Variants in RREB1 observed in about 807,000 individuals in gnomAD.
The protein encoded by RREB1 is ras responsive element binding protein 1.
Under a neutral mutation model 117.8 loss-of-function variants are expected in RREB1, and 27 were observed. That is an observed-to-expected ratio of 0.23 (90% CI 0.17 to 0.32). The LOEUF (loss-of-function observed/expected upper bound fraction) is 0.32. Among genes scored for constraint, RREB1 ranks in the 10% least tolerant of loss-of-function variants. The pLI is 1.00. For missense variants in RREB1, 2,577 were observed against 2,378.2 expected (o/e 1.08, Z -1.74); for synonymous variants, 1,298 against 1,026.7 (o/e 1.26, Z -5.05).
chr6:7,249,155 C>T lies in RREB1; in HGVS notation c.*187C>T, dbSNP rs559253694. On this transcript the variant is annotated 3_prime_UTR_variant, in exon 13 of 13. Transcript: ENST00000379938. ...AGTGCCATAGCCTTACCGCAGCCTG[C>T]GCGGGAGGCCACAGCCCGTGCCGAT... 5.0e-4 allele frequency: 277 copies of T among 548,746 alleles called. 1 individual carries two copies. The highest frequency in any genetic ancestry group is 2.4e-4 in the Non-Finnish European group (77 of 319,374). The allele number at this position is 548,746 out of a possible 1,614,324, so 34.0% of individuals were successfully genotyped here.
chr6:7,161,014 C>G (rs937890195), intron 1 of RREB1, among the ~76,000 whole-genome samples: 18 of 152,036 alleles, frequency 1.2e-4, no homozygotes, highest in African/African-American at 4.3e-4. Context: ...TGTTTTTTGT[C>G]TAGATAGAGT....
intron 10 of RREB1, among the ~76,000 whole-genome samples, chr6:7,234,009 T>A (rs1282162779): frequency 6.6e-6 from 1 of 151,788 alleles, no homozygotes; most frequent in Admixed American, 6.5e-5. Flanking sequence ...GGTCCTTGAA[T>A]CCAGGGATTG....
intron 1 of RREB1, among the ~76,000 whole-genome samples, chr6:7,157,432 T>G (rs1763425318): frequency 1.4e-5 from 2 of 140,646 alleles, no homozygotes; most frequent in South Asian, 4.4e-4. Context: ...AGACTCCATC[T>G]CAAAAAAAAA....
intron 2 of RREB1, among the ~76,000 whole-genome samples, chr6:7,177,883 C>A (rs1561763478): frequency 6.6e-6 from 1 of 152,058 alleles, no homozygotes; most frequent in Admixed American, 6.6e-5. Context: ...CCACCACGCC[C>A]AGCTAATTTT....
chr6:7,125,889 G>C (rs1271949878), intron 1 of RREB1, among the ~76,000 whole-genome samples: 4 of 152,164 alleles, frequency 2.6e-5, no homozygotes, highest in African/African-American at 9.6e-5. Context: ...TCCTTTGTGA[G>C]GGCATCGGAG....
intron 1 of RREB1, among the ~76,000 whole-genome samples, chr6:7,174,566 T>C (rs1764407462): frequency 6.6e-6 from 1 of 152,142 alleles, no homozygotes. Context: ...TGCTAGAAAA[T>C]CTTAATTCTA....
In RREB1 at chr6:7,248,946, C is replaced by G. The variant is rs776918578; in HGVS notation, c.5207C>G (p.Ser1736Cys). 6.7e-7 allele frequency: 1 copy of G among 1,494,186 alleles called. No homozygotes were observed. The allele number at this position is 1,494,186 out of a possible 1,614,324, so 92.6% of individuals were successfully genotyped here. The stretch of plus-strand genomic sequence containing the variant: ...ATCCTGGCCACAGCTGATGGCGCCT[C>G]CCAGCTCGTGGGGATGGAGTGACAG... Reference protein sequence around the residue: ...HPILATADGASQLVGME With the variant: ...HPILATADGACQLVGME Residue 1736 changes from serine (S) to cysteine (C), a missense_variant, in exon 13 of 13, where the codon TCC becomes TGC. Physicochemically the swap from Ser to Cys is moderately radical, Grantham distance 112 (BLOSUM62 -1). Coordinates refer to ENST00000379938, the MANE Select transcript of RREB1 (RefSeq NM_001003699.4).
intron 1 of RREB1, among the ~76,000 whole-genome samples, chr6:7,175,296 C>T (rs913556104): frequency 7.0e-6 from 1 of 142,960 alleles, no homozygotes; most frequent in South Asian, 2.1e-4. Flanking sequence ...GGGTGGGTTT[C>T]TAGGGTCCCT....
chr6:7,126,720 TC>T (rs1183107312), intron 1 of RREB1, among the ~76,000 whole-genome samples: 1 of 152,202 alleles, frequency 6.6e-6, no homozygotes, highest in African/African-American at 2.4e-5. Flanking sequence ...TGAGAAGCAA[TC>T]TGGATTAGGA....
chr6:7,135,259 G>A (rs1467215888), intron 1 of RREB1, among the ~76,000 whole-genome samples: 1 of 152,200 alleles, frequency 6.6e-6, no homozygotes, highest in Non-Finnish European at 1.5e-5. Context: ...ATACCCATGG[G>A]CAGCATTTTC....
chr6:7,119,681 G>T (rs2113308208), intron 1 of RREB1, among the ~76,000 whole-genome samples: 1 of 152,338 alleles, frequency 6.6e-6, no homozygotes, highest in South Asian at 2.1e-4. Flanking sequence ...AAGGGCTAGA[G>T]CAGGCTGCTA....
At chr6:7,123,041 C>T (rs1198251660) in intron 1 of RREB1, among the ~76,000 whole-genome samples, 1 of 152,184 alleles carries the variant, frequency 6.6e-6, no homozygotes, top group African/African-American at 2.4e-5. Flanking sequence ...CGTGGTGTTG[C>T]CCCTCGGGTC....
At chr6:7,223,008 A>G (rs1195713803) in intron 8 of RREB1, among the ~76,000 whole-genome samples, 1 of 151,626 alleles carries the variant, frequency 6.6e-6, no homozygotes, top group East Asian at 2.0e-4. Context: ...TAATCCCAAC[A>G]CTTTGGGAGG....
intron 1 of RREB1, among the ~76,000 whole-genome samples, chr6:7,166,264 A>G (rs1763922939): frequency 6.6e-6 from 1 of 152,150 alleles, no homozygotes; most frequent in East Asian, 1.9e-4. Context: ...GGGCTTTCCA[A>G]AAAGGCCCAT....
At chr6:7,201,624 C>G (rs375652258) in intron 6 of RREB1, among the ~76,000 whole-genome samples, 1 of 151,808 alleles carries the variant, frequency 6.6e-6, no homozygotes, top group African/African-American at 2.4e-5. Flanking sequence ...TGTGGGCCAT[C>G]CTCAGCTTCT....
chr6:7,154,778 G>C (rs1033678996), intron 1 of RREB1, among the ~76,000 whole-genome samples: 2 of 152,112 alleles, frequency 1.3e-5, no homozygotes, highest in African/African-American at 4.8e-5. Flanking sequence ...GTTCATCTTT[G>C]GGTGGTTACC....
intron 8 of RREB1, among the ~76,000 whole-genome samples, chr6:7,222,689 T>C (rs1561789637): frequency 6.6e-6 from 1 of 152,018 alleles, no homozygotes; most frequent in African/African-American, 2.4e-5. Flanking sequence ...AAGCCAGGTG[T>C]AGGGGTGCAC....
In RREB1 at chr6:7,249,062, T is replaced by TGAGAGAGAGA. The variant is rs4053178; in HGVS notation, c.*127_*136dup. The TGAGAGAGAGA allele has an allele frequency of 6.9e-4, 392 of 568,166 alleles. 1 individual carries two copies. Among genetic ancestry groups the TGAGAGAGAGA allele is most frequent in the African/African-American group, 3.2e-3 (157 of 49,638 alleles). 35.2% of individuals were successfully genotyped at this position (568,166 alleles called of 1,614,324 possible). A position where few individuals can be genotyped will look rare whatever the true frequency, so the allele number is the denominator to read the frequency against. Reference sequence around the variant, plus strand: ...TCAGTGCCCTTTGGCTGTTGAGGAGTGAGAGAGAGAGAGAGAGAGAGAGAG... The same window carrying TGAGAGAGAGA: ...TCAGTGCCCTTTGGCTGTTGAGGAGTGAGAGAGAGAGAGAGAGAGAGAGAGAGAGAGAGAG... On this transcript the variant is annotated 3_prime_UTR_variant, in exon 13 of 13. Transcript: ENST00000379938.
chr6:7,242,253 G>GTGT (rs1156591795), intron 11 of RREB1, among the ~76,000 whole-genome samples: 1 of 152,184 alleles, frequency 6.6e-6, no homozygotes, highest in African/African-American at 2.4e-5. Flanking sequence ...TGGGGCTCCT[G>GTGT]CTGACATCTG....
Sources: gnomAD v4.1 joint callset for allele counts (sites outside exome capture counted in the v4.1 genomes callset) on GRCh38, gnomAD v4.1.1 for gene constraint, MANE v1.5 for transcripts, NCBI Gene and HGNC (gene_info 2026-07-23, HGNC 2026-07-21) for gene names.